COL22A1: variants seen among roughly 807,000 people sequenced by gnomAD.
The protein encoded by COL22A1 is collagen type XXII alpha 1 chain.
COL22A1 carries 221 observed loss-of-function variants against 248.9 expected under a neutral mutation model. The ratio of observed to expected loss-of-function variants is 0.89; its 90% CI spans 0.80 to 0.99. The LOEUF (loss-of-function observed/expected upper bound fraction) is 0.99. COL22A1 is among the 50% of genes least tolerant of loss of function. The pLI is 0.00. For synonymous variants in COL22A1, 891 were observed against 793.4 expected, an observed-to-expected ratio of 1.12 and a Z score of -2.07; for missense variants, 2,240 against 2,179.0, an observed-to-expected ratio of 1.03 and a Z score of -0.56.
Position 138,825,981 on chromosome 8 carries a change from G to C in COL22A1, c.969+677C>G, listed in dbSNP as rs1370786998. Reference sequence around the variant, plus strand: ...CCTCACCGGACTGTGTGCTGGTGGAGAGCTGTCCTACCTTCATGGGAACTG... The same window carrying C: ...CCTCACCGGACTGTGTGCTGGTGGACAGCTGTCCTACCTTCATGGGAACTG... On this transcript the variant is annotated intron_variant, in intron 6 of 64. Coordinates refer to ENST00000303045, the MANE Select transcript of COL22A1 (RefSeq NM_152888.3). The C allele has an allele frequency of 3.9e-5, 6 of 152,188 alleles. 1 individual carries two copies. Among genetic ancestry groups the C allele is most frequent in the Admixed American group, 2.6e-4 (4 of 15,282 alleles). 9.4% of individuals were successfully genotyped at this position (152,188 alleles called of 1,614,324 possible).
intron 16 of COL22A1, among the ~76,000 whole-genome samples, chr8:138,767,136 TA>T (rs1181470176): frequency 4.9e-4 from 75 of 152,328 alleles, no homozygotes; most frequent in Middle Eastern, 3.4e-3. Context: ...ACTTACCCAG[TA>T]AAGCTGCTGT....
At chr8:138,767,858 G>A (rs776100318) in intron 16 of COL22A1, among the ~76,000 whole-genome samples, 16 of 152,210 alleles carry the variant, frequency 1.1e-4, no homozygotes, top group Non-Finnish European at 2.2e-4. Context: ...CTGAAACCTC[G>A]CTGCTGATCA....
chr8:138,854,136 G>A lies in COL22A1; in HGVS notation c.659-9978C>T, dbSNP rs562712687. Among the ~76,000 whole-genome samples, 9 of 152,310 alleles carry A rather than the reference G, an allele frequency of 5.9e-5. No homozygotes were observed. In the East Asian group the frequency reaches 1.7e-3, roughly 29 times the overall value. On this transcript the variant is annotated intron_variant, in intron 3 of 64. Coordinates refer to ENST00000303045, the MANE Select transcript of COL22A1 (RefSeq NM_152888.3). ...TCTGGCCACAGGACAGTGTGTGCCAGGACAGAGGGAATATGCCATCGTGAC... is the reference window on the plus strand; with the variant it reads ...TCTGGCCACAGGACAGTGTGTGCCAAGACAGAGGGAATATGCCATCGTGAC...
intron 1 of COL22A1, among the ~76,000 whole-genome samples, chr8:138,884,459 AGGCAGTTGGGC>A (rs1471821009): frequency 1.4e-4 from 22 of 152,234 alleles, no homozygotes; most frequent in African/African-American, 5.3e-4. Flanking sequence ...GTTATCTCAA[AGGCAGTTGGGC>A]AAACAATCCT....
At chr8:138,698,027 T>C (rs1827652734) in intron 32 of COL22A1, among the ~76,000 whole-genome samples, 1 of 152,208 alleles carries the variant, frequency 6.6e-6, no homozygotes, top group African/African-American at 2.4e-5. Context: ...CACAGGCCCC[T>C]CACGTGCCTT....
At chr8:138,701,039 G>C (rs920406347) in intron 31 of COL22A1, among the ~76,000 whole-genome samples, 13 of 144,526 alleles carry the variant, frequency 9.0e-5, no homozygotes, top group Non-Finnish European at 1.7e-4. Flanking sequence ...GCTTTCTCCA[G>C]CTTCAAAGCT....
At chr8:138,737,454 T>G (rs1831210182) in intron 23 of COL22A1, 70 bp downstream of exon 23, 1 of 1,145,230 alleles carries the variant, frequency 8.7e-7, no homozygotes, top group Non-Finnish European at 1.3e-6. Flanking sequence ...ACCTGAGAGC[T>G]GCTGCCTGGT....
At position 138,779,563 on chromosome 8, in the gene COL22A1, C is replaced by T. The variant is rs768095838; in HGVS notation, c.1651-1G>A. ...GCTCTCCCAGCTCTCCTGGCTCCCC[C>T]TGAACAAACAAAACAACACAAAGTC... On this transcript the variant is annotated splice_acceptor_variant, in intron 13 of 64. Coordinates refer to ENST00000303045, the MANE Select transcript of COL22A1 (RefSeq NM_152888.3). LOFTEE classifies it high-confidence loss of function. 1 of 1,611,998 alleles carries T rather than the reference C, an allele frequency of 6.2e-7. No individual in the cohort carries two copies. Among genetic ancestry groups the T allele is most frequent in the Admixed American group, 1.7e-5 (1 of 60,010 alleles).
chr8:138,626,311 C>A (rs1820234193), intron 50 of COL22A1, 68 bp from the exon 51 acceptor site: 2 of 1,234,334 alleles, frequency 1.6e-6, no homozygotes, highest in South Asian at 1.2e-5. Flanking sequence ...AATGACTTCA[C>A]AAGGAACTGC....
rs1823880928 is a variant in COL22A1, at chr8:138,878,043, C to T, written c.365G>A (p.Arg122His). The change falls in exon 3 of 65, where the codon CGC (arginine) becomes CAC (histidine). Residue 122 changes from arginine (R) to histidine (H), a missense_variant. By Grantham distance (29) the Arg-to-His change is conservative. Transcript: ENST00000303045. Reference protein sequence around the residue: ...GGNTNTGDALRYITARSFSPH... With the variant: ...GGNTNTGDALHYITARSFSPH... ...GGAGAAGCTGCGGGCCGTGATGTAGCGGAGCGCGTCTCCCGTGTTGGTGTT... is the reference window on the plus strand; with the variant it reads ...GGAGAAGCTGCGGGCCGTGATGTAGTGGAGCGCGTCTCCCGTGTTGGTGTT... The T allele has an allele frequency of 1.3e-6, 2 of 1,592,264 alleles. No individual in the cohort carries two copies. The highest frequency in any genetic ancestry group is 1.7e-6 in the Non-Finnish European group (2 of 1,169,884).
chr8:138,767,969 C>T (rs1229199432), intron 16 of COL22A1, among the ~76,000 whole-genome samples: 1 of 152,198 alleles, frequency 6.6e-6, no homozygotes, highest in Non-Finnish European at 1.5e-5. Flanking sequence ...ACTGAATTAA[C>T]GTATTGTTTT....
chr8:138,765,690 G>A (rs1157596667), intron 16 of COL22A1, among the ~76,000 whole-genome samples: 1 of 152,240 alleles, frequency 6.6e-6, no homozygotes, highest in Non-Finnish European at 1.5e-5. Context: ...CACTGTGCAG[G>A]TGTGGTCACG....
chr8:138,816,574 C>T (rs1448097141), intron 7 of COL22A1, among the ~76,000 whole-genome samples: 2 of 152,214 alleles, frequency 1.3e-5, no homozygotes, highest in Middle Eastern at 3.2e-3. Flanking sequence ...AGGCTGCATT[C>T]AGCACGGCCC....
chr8:138,724,139 G>T (rs571575676), intron 25 of COL22A1, among the ~76,000 whole-genome samples: 1 of 152,270 alleles, frequency 6.6e-6, no homozygotes, highest in East Asian at 1.9e-4. Context: ...TCCTATCTGG[G>T]GAGACATTAA....
Position 138,902,739 on chromosome 8 carries a change from T to TATATACAC in COL22A1, c.-73+10879_-73+10880insGTGTATAT, listed in dbSNP as rs763466994. 7.2e-3 allele frequency among the ~76,000 whole-genome samples: 677 copies of TATATACAC among 93,874 alleles called. 15 individuals carry two copies. Among genetic ancestry groups the TATATACAC allele is most frequent in the African/African-American group, 0.027 (592 of 22,086 alleles). The allele number at this position is 93,874 out of a possible 152,430, so 61.6% of individuals were successfully genotyped here. A position where few individuals can be genotyped will look rare whatever the true frequency, so the allele number is the denominator to read the frequency against. ...AAAAATTTATAAATATATATATATA[T>TATATACAC]ACACACACACACACACACACACACA... On this transcript the variant is annotated intron_variant, in intron 1 of 64. Transcript: ENST00000303045.
intron 52 of COL22A1, among the ~76,000 whole-genome samples, chr8:138,620,941 G>GCATCCATC (rs754305152): frequency 1.8e-4 from 23 of 126,834 alleles, no homozygotes; most frequent in South Asian, 8.9e-4. Flanking sequence ...AACCAACCAA[G>GCATCCATC]CATCCATCCA....
At chr8:138,660,119 G>A (rs1040977666) in intron 44 of COL22A1, among the ~76,000 whole-genome samples, 2 of 152,166 alleles carry the variant, frequency 1.3e-5, no homozygotes, top group Non-Finnish European at 2.9e-5. Flanking sequence ...GAAACTGGAG[G>A]GTGGGAGACA....
intron 44 of COL22A1, among the ~76,000 whole-genome samples, chr8:138,656,684 G>A (rs1043566944): frequency 4.6e-5 from 7 of 152,140 alleles, no homozygotes; most frequent in South Asian, 2.1e-4. Context: ...AAGGCAGACC[G>A]TAAAGGAAAG....
intron 11 of COL22A1, 90 bp from the exon 12 acceptor site, chr8:138,796,947 G>T: frequency 2.2e-6 from 2 of 895,562 alleles, no homozygotes; most frequent in Non-Finnish European, 3.8e-6. Context: ...GATTTGAAAG[G>T]ATTAGATATT....
Sources: gnomAD v4.1 joint callset for allele counts (sites outside exome capture counted in the v4.1 genomes callset) on GRCh38, gnomAD v4.1.1 for gene constraint, MANE v1.5 for transcripts, NCBI Gene and HGNC (gene_info 2026-07-23, HGNC 2026-07-21) for gene names.